DOCK2: variants seen among roughly 807,000 people sequenced by gnomAD.
DOCK2 encodes dedicator of cytokinesis protein 2.
In DOCK2, 87 loss-of-function variants were observed where a neutral mutation model predicts 248.9. The observed-to-expected ratio is 0.35, with a 90% CI of 0.29 to 0.42. The LOEUF (loss-of-function observed/expected upper bound fraction) is 0.42. DOCK2 is among the 10% of genes least tolerant of loss of function. The pLI, the probability that DOCK2 is intolerant of heterozygous loss-of-function variation, is 1.00. For missense variants in DOCK2, 1,747 were observed against 2,300.2 expected, an observed-to-expected ratio of 0.76 and a Z score of 4.92; for synonymous variants, 805 against 821.6, an observed-to-expected ratio of 0.98 and a Z score of 0.35.
intron 32 of DOCK2, among the ~76,000 whole-genome samples, chr5:170,014,690 C>G (rs900608722): frequency 6.6e-6 from 1 of 150,940 alleles, no homozygotes; most frequent in Non-Finnish European, 1.5e-5. Context: ...AAGAAGAGCT[C>G]GTTGGTGGAG....
chr5:169,958,939 T>A (rs1193244560), intron 27 of DOCK2, among the ~76,000 whole-genome samples: 2 of 152,224 alleles, frequency 1.3e-5, no homozygotes, highest in Non-Finnish European at 2.9e-5. Flanking sequence ...CAACTCATAG[T>A]TGGCTAAGGA....
intron 24 of DOCK2, 94 bp from the exon 25 acceptor site, chr5:169,761,425 C>T: frequency 9.7e-7 from 1 of 1,026,642 alleles, no homozygotes; most frequent in Non-Finnish European, 1.5e-6. Context: ...GGGGGTTTCC[C>T]AGAGCTAGAG....
At chr5:169,815,186 G>T (rs777619180) in intron 26 of DOCK2, among the ~76,000 whole-genome samples, 2 of 152,120 alleles carry the variant, frequency 1.3e-5, no homozygotes, top group Non-Finnish European at 2.9e-5. Flanking sequence ...TGCCTGGCGG[G>T]CATGGAAAAT....
At chr5:169,854,198 T>C (rs1469741269) in intron 27 of DOCK2, among the ~76,000 whole-genome samples, 2 of 151,560 alleles carry the variant, frequency 1.3e-5, no homozygotes, top group Non-Finnish European at 2.9e-5. Context: ...ATTTTTTTTT[T>C]TTTTTGAGAC....
chr5:169,708,523 G>T (rs1004099613), intron 15 of DOCK2, among the ~76,000 whole-genome samples: 1 of 151,636 alleles, frequency 6.6e-6, no homozygotes, highest in Non-Finnish European at 1.5e-5. Context: ...GCTCATCCCC[G>T]CAAGCTGAGG....
intron 27 of DOCK2, among the ~76,000 whole-genome samples, chr5:169,907,294 AT>A (rs1164502164): frequency 1.3e-5 from 2 of 152,190 alleles, no homozygotes; most frequent in African/African-American, 2.4e-5. Context: ...AACACGCCCA[AT>A]TTTAGGAGAA....
chr5:169,983,607 G>C (rs140689086), intron 28 of DOCK2, among the ~76,000 whole-genome samples: 52 of 152,318 alleles, frequency 3.4e-4, no homozygotes, highest in African/African-American at 1.0e-3. Flanking sequence ...TTTGCTGCAA[G>C]ACCATCTGCC....
Position 169,992,775 on chromosome 5 carries a change from T to A in DOCK2, c.2994-3311T>A, listed in dbSNP as rs60405882. ...ACCGTGCCCAGCCAATTACTGTTTT[T>A]AAAAAAAAAACAAGAAAAATGAGAA... On this transcript the variant is annotated intron_variant, in intron 29 of 51. Coordinates refer to ENST00000520908, the MANE Select transcript of DOCK2 (RefSeq NM_004946.3). Among the ~76,000 whole-genome samples, 76 of 150,162 alleles carry A rather than the reference T, an allele frequency of 5.1e-4. No homozygotes were observed. In the East Asian group the frequency reaches 0.011, roughly 21 times the overall value.
At chr5:169,897,938 G>T (rs1310450777) in intron 27 of DOCK2, among the ~76,000 whole-genome samples, 1 of 152,190 alleles carries the variant, frequency 6.6e-6, no homozygotes, top group African/African-American at 2.4e-5. Flanking sequence ...CTACAAAGCT[G>T]CTCCCCTAGA....
intron 35 of DOCK2, 131 bp from the exon 36 acceptor site, chr5:170,036,384 A>C: frequency 1.1e-6 from 1 of 893,640 alleles, no homozygotes; most frequent in Non-Finnish European, 1.7e-6. Flanking sequence ...CAGGAAAATA[A>C]GTTTCTTATT....
intron 22 of DOCK2, among the ~76,000 whole-genome samples, chr5:169,726,024 T>TA (rs1366180165): frequency 6.6e-6 from 1 of 152,206 alleles, no homozygotes; most frequent in African/African-American, 2.4e-5. Flanking sequence ...ACATACCCAG[T>TA]AATGGGATCC....
chr5:169,681,954 A>G, intron 7 of DOCK2, 75 bp downstream of exon 7: 1 of 1,573,920 alleles, frequency 6.4e-7, no homozygotes, highest in Non-Finnish European at 8.6e-7. Flanking sequence ...TAATGGGCTA[A>G]TGAACCAGAC....
At chr5:170,038,570 C>A (rs1405014431) in intron 36 of DOCK2, among the ~76,000 whole-genome samples, 2 of 152,194 alleles carry the variant, frequency 1.3e-5, no homozygotes, top group African/African-American at 4.8e-5. Flanking sequence ...CGACTGTTAG[C>A]CGAACCGGGT....
At chr5:170,052,494 A>G (rs1047677456) in intron 41 of DOCK2, among the ~76,000 whole-genome samples, 1 of 152,154 alleles carries the variant, frequency 6.6e-6, no homozygotes, top group Admixed American at 6.5e-5. Context: ...ATATTTGCTA[A>G]ATGTCCTTTT....
At chr5:169,739,698 C>T (rs777736695) in intron 22 of DOCK2, among the ~76,000 whole-genome samples, 4 of 152,090 alleles carry the variant, frequency 2.6e-5, no homozygotes, top group Admixed American at 6.5e-5. Context: ...TAGAAACCTC[C>T]TAGATTGTAA....
intron 27 of DOCK2, chr5:169,980,128 A>G (rs753433841): frequency 2.0e-5 from 3 of 151,828 alleles, no homozygotes; most frequent in African/African-American, 7.3e-5. Flanking sequence ...ATTTTCCACT[A>G]CATACCACCA....
chr5:169,751,446 C>G (rs1763889717), intron 23 of DOCK2, among the ~76,000 whole-genome samples: 1 of 152,190 alleles, frequency 6.6e-6, no homozygotes, highest in Non-Finnish European at 1.5e-5. Context: ...TTAGTAACAT[C>G]AGCCATAAGT....
intron 45 of DOCK2, among the ~76,000 whole-genome samples, 157 bp from the exon 46 acceptor site, chr5:170,068,980 A>G (rs751515643): frequency 7.9e-5 from 12 of 152,186 alleles, no homozygotes; most frequent in Non-Finnish European, 1.6e-4. Flanking sequence ...CAGATAAAAC[A>G]ATGTCAGTCT....
At chr5:170,053,667 A>T (rs1326162608) in intron 41 of DOCK2, among the ~76,000 whole-genome samples, 2 of 152,248 alleles carry the variant, frequency 1.3e-5, no homozygotes, top group African/African-American at 4.8e-5. Flanking sequence ...CCTGAAAATC[A>T]TAGAAATACC....
Sources: allele counts gnomAD v4.1 joint callset (sites outside exome capture counted in the v4.1 genomes callset), GRCh38; gene constraint gnomAD v4.1.1; transcripts MANE v1.5; gene names NCBI Gene and HGNC (gene_info 2026-07-23, HGNC 2026-07-21).